SMIM36: variants seen among roughly 807,000 people sequenced by gnomAD.
SMIM36 encodes the protein small integral membrane protein 36.
At chr17:55,530,004 G>A in the SMIM36 span, among the ~76,000 whole-genome samples, 1 of 152,146 alleles carries the variant, frequency 6.6e-6, no homozygotes, top group Non-Finnish European at 1.5e-5. Context: ...ATCCCTTTGG[G>A]GATGATGTGT....
At chr17:55,468,787 C>T (rs2143253942) in intron 3 of SMIM36, among the ~76,000 whole-genome samples, 1 of 152,266 alleles carries the variant, frequency 6.6e-6, no homozygotes. Flanking sequence ...ACCTAAAACC[C>T]CTTCGACTAA....
At chr17:55,501,023 T>C (rs1328879793) in intron 1 of SMIM36, among the ~76,000 whole-genome samples, 2 of 29,918 alleles carry the variant, frequency 6.7e-5, no homozygotes, top group Non-Finnish European at 1.3e-4. Flanking sequence ...TATTTTGTAA[T>C]ATATAATATA....
chr17:55,482,460 A>C (rs1353557557), intron 1 of SMIM36, among the ~76,000 whole-genome samples: 1 of 152,170 alleles, frequency 6.6e-6, no homozygotes, highest in East Asian at 1.9e-4. Flanking sequence ...GCTGTTACCA[A>C]GCACTCTCAT....
At chr17:55,474,041 G>C (rs570230729) in intron 3 of SMIM36, among the ~76,000 whole-genome samples, 1 of 152,128 alleles carries the variant, frequency 6.6e-6, no homozygotes, top group African/African-American at 2.4e-5. Flanking sequence ...CATATCCCCT[G>C]CTTGCTCAAT....
At position 55,500,806 on chromosome 17, in the gene SMIM36, AT is replaced by A. The variant is rs1403304311; in HGVS notation, c.*174+10072del. ...TATATTATTATATATTTTATAATAT[AT>A]TATAATATATTATATTTTATAATAT... On this transcript the variant is annotated intron_variant, in intron 1 of 4. Transcript: ENST00000636752. Among the ~76,000 whole-genome samples the A allele has an allele frequency of 6.7e-5, 4 of 59,468 alleles. 2 individuals carry two copies. The highest frequency in any genetic ancestry group is 2.3e-4 in the African/African-American group (4 of 17,532). The allele number at this position is 59,468 out of a possible 152,430, so 39.0% of individuals were successfully genotyped here.
the SMIM36 span, among the ~76,000 whole-genome samples, chr17:55,523,934 T>C: frequency 6.6e-6 from 1 of 152,172 alleles, no homozygotes; most frequent in East Asian, 1.9e-4. Flanking sequence ...TTTTAACTTT[T>C]ATTTTAGGTT....
chr17:55,512,832 T>C (rs1324936788), upstream of SMIM36, among the ~76,000 whole-genome samples: 1 of 152,218 alleles, frequency 6.6e-6, no homozygotes, highest in Non-Finnish European at 1.5e-5. Flanking sequence ...TGGATACTCC[T>C]AGTTAAAAGC....
At chr17:55,475,294 T>C (rs947554853) in intron 3 of SMIM36, among the ~76,000 whole-genome samples, 5 of 152,160 alleles carry the variant, frequency 3.3e-5, no homozygotes, top group African/African-American at 1.2e-4. Flanking sequence ...CTTGACTCCC[T>C]CTTGGAGAGG....
At chr17:55,488,635 A>G (rs963187953) in intron 1 of SMIM36, among the ~76,000 whole-genome samples, 3 of 152,202 alleles carry the variant, frequency 2.0e-5, no homozygotes, top group Non-Finnish European at 4.4e-5. Context: ...ATACTATTCC[A>G]TTGTAAAGAT....
chr17:55,451,061 AT>A (rs1436101518), intron 4 of SMIM36, among the ~76,000 whole-genome samples: 2 of 152,004 alleles, frequency 1.3e-5, no homozygotes, highest in Non-Finnish European at 2.9e-5. Context: ...TAATTTTTGT[AT>A]TTTTAGTAGA....
chr17:55,509,961 A>C (rs1910152611), intron 1 of SMIM36, among the ~76,000 whole-genome samples: 1 of 152,046 alleles, frequency 6.6e-6, no homozygotes, highest in Non-Finnish European at 1.5e-5. Context: ...GCCGGATTTG[A>C]GGATTGGAGA....
chr17:55,486,201 A>G (rs537635595), intron 1 of SMIM36, among the ~76,000 whole-genome samples: 40 of 150,924 alleles, frequency 2.7e-4, no homozygotes, highest in African/African-American at 8.0e-4. Flanking sequence ...TACACAGCTA[A>G]TTTTTTTTTG....
intron 4 of SMIM36, among the ~76,000 whole-genome samples, chr17:55,451,354 A>C (rs1046012079): frequency 2.6e-5 from 4 of 152,160 alleles, no homozygotes; most frequent in Admixed American, 1.3e-4. Context: ...GTTGCCCTTG[A>C]AGCAGGCCAA....
intron 1 of SMIM36, among the ~76,000 whole-genome samples, chr17:55,486,370 C>T (rs545942191): frequency 1.3e-5 from 2 of 152,248 alleles, no homozygotes; most frequent in East Asian, 1.9e-4. Context: ...GAATCTTAGA[C>T]AAAATTTCAG....
chr17:55,514,550 T>G (rs1444041830), upstream of SMIM36, among the ~76,000 whole-genome samples: 3 of 152,162 alleles, frequency 2.0e-5, no homozygotes, highest in Non-Finnish European at 4.4e-5. Flanking sequence ...CTCATTCCCT[T>G]TTTCCCTCTC....
chr17:55,450,730 A>G (rs1420822569), intron 4 of SMIM36, among the ~76,000 whole-genome samples: 1 of 152,220 alleles, frequency 6.6e-6, no homozygotes, highest in African/African-American at 2.4e-5. Flanking sequence ...CACAAGCACA[A>G]GGCAATACTG....
chr17:55,501,924 G>T (rs1909992631), intron 1 of SMIM36, among the ~76,000 whole-genome samples: 2 of 146,564 alleles, frequency 1.4e-5, no homozygotes, highest in Non-Finnish European at 3.0e-5. Flanking sequence ...AGCGCAAGGG[G>T]TCAGGGAGTT....
the SMIM36 span, among the ~76,000 whole-genome samples, chr17:55,519,392 A>AAATGGTGGAGTGAGTGC: frequency 2.0e-5 from 3 of 152,094 alleles, no homozygotes; most frequent in South Asian, 2.1e-4. Context: ...AAATTGTGAT[A>AAATGGTGGAGTGAGTGC]AATGGTGGAG....
chr17:55,531,027 T>G, the SMIM36 span, among the ~76,000 whole-genome samples: 2 of 152,226 alleles, frequency 1.3e-5, no homozygotes, highest in Admixed American at 6.5e-5. Context: ...ACAAAAGTTG[T>G]AGATTTTGCG....
Sources: gnomAD v4.1 joint callset for allele counts (sites outside exome capture counted in the v4.1 genomes callset) on GRCh38, gnomAD v4.1.1 for gene constraint, MANE v1.5 for transcripts, NCBI Gene and HGNC (gene_info 2026-07-23, HGNC 2026-07-21) for gene names.